Variants in XYLT1 observed in about 807,000 individuals in gnomAD.
The protein encoded by XYLT1 is xylosyltransferase 1, also known as beta-D-xylosyltransferase 1.
Under a neutral mutation model 91.3 loss-of-function variants are expected in XYLT1, and 36 were observed. The observed-to-expected ratio is 0.39, with a 90% CI of 0.30 to 0.52. XYLT1 has a LOEUF of 0.52. Among genes scored for constraint, XYLT1 ranks in the 20% least tolerant of loss-of-function variants. XYLT1 has a pLI of 0.68. For synonymous variants in XYLT1, 588 were observed against 532.0 expected, an observed-to-expected ratio of 1.11 and a Z score of -1.45; for missense variants, 1,242 against 1,284.5, an observed-to-expected ratio of 0.97 and a Z score of 0.51.
intron 2 of XYLT1, among the ~76,000 whole-genome samples, chr16:17,308,598 C>T (rs1201704182): frequency 2.0e-5 from 3 of 152,174 alleles, no homozygotes; most frequent in Non-Finnish European, 2.9e-5. Context: ...CTGGTTCGGT[C>T]CACACTTGCT....
At chr16:17,195,506 C>T (rs923706386) in intron 5 of XYLT1, among the ~76,000 whole-genome samples, 5 of 151,808 alleles carry the variant, frequency 3.3e-5, no homozygotes, top group Admixed American at 6.6e-5. Context: ...AGTACAGTGG[C>T]GCGATATCGG....
At chr16:17,142,645 G>A (rs1298239870) in intron 6 of XYLT1, among the ~76,000 whole-genome samples, 2 of 146,310 alleles carry the variant, frequency 1.4e-5, no homozygotes, top group Non-Finnish European at 3.0e-5. Context: ...GTTTCACCAT[G>A]TTGGCCAGGC....
intron 2 of XYLT1, among the ~76,000 whole-genome samples, chr16:17,325,893 A>G (rs1368009087): frequency 1.3e-5 from 2 of 152,220 alleles, no homozygotes; most frequent in Non-Finnish European, 2.9e-5. Context: ...CTGGGCAGGA[A>G]GCATCATGTC....
chr16:17,330,967 G>A (rs1272905083), intron 2 of XYLT1, among the ~76,000 whole-genome samples: 8 of 152,192 alleles, frequency 5.3e-5, no homozygotes, highest in Non-Finnish European at 8.8e-5. Context: ...AAGATGGTCC[G>A]TGCATTTGGA....
At chr16:17,129,527 A>G (rs1177050683) in intron 9 of XYLT1, among the ~76,000 whole-genome samples, 1 of 152,118 alleles carries the variant, frequency 6.6e-6, no homozygotes, top group Non-Finnish European at 1.5e-5. Flanking sequence ...CGGCCTCCCA[A>G]AGTGCTGGGA....
chr16:17,224,194 A>T (rs571820465), intron 3 of XYLT1, among the ~76,000 whole-genome samples: 4 of 152,356 alleles, frequency 2.6e-5, no homozygotes, highest in Admixed American at 2.6e-4. Context: ...TGTTGTACAG[A>T]TGTTCTGATT....
At chr16:17,388,629 G>A (rs191571536) in intron 1 of XYLT1, among the ~76,000 whole-genome samples, 4 of 152,304 alleles carry the variant, frequency 2.6e-5, no homozygotes, top group Non-Finnish European at 4.4e-5. Context: ...GGATTATTGC[G>A]AAGGGCAGAA....
intron 1 of XYLT1, among the ~76,000 whole-genome samples, chr16:17,438,177 A>T (rs906423806): frequency 6.6e-6 from 1 of 152,202 alleles, no homozygotes; most frequent in Non-Finnish European, 1.5e-5. Flanking sequence ...ATTTCCCCAC[A>T]GATGAGATCA....
rs552724633 is a variant in XYLT1, at chr16:17,201,475, C to CTT, written c.914-823_914-822dup. Reference sequence around the variant, plus strand: ...AGAACTACTACATAAGAGAGGTTATCTTTTTTTTTTTTTTTTTGAGACGGA... The same window carrying CTT: ...AGAACTACTACATAAGAGAGGTTATCTTTTTTTTTTTTTTTTTTTGAGACGGA... On this transcript the variant is annotated intron_variant, in intron 3 of 11. Transcript: ENST00000261381. Among the ~76,000 whole-genome samples the CTT allele has an allele frequency of 8.0e-4, 112 of 140,670 alleles. 1 individual carries two copies. Among genetic ancestry groups the CTT allele is most frequent in the African/African-American group, 2.5e-3 (96 of 38,594 alleles). The allele number at this position is 140,670 out of a possible 152,430, so 92.3% of individuals were successfully genotyped here. A position where few individuals can be genotyped will look rare whatever the true frequency, so the allele number is the denominator to read the frequency against.
chr16:17,467,691 A>T (rs976572054), intron 1 of XYLT1, among the ~76,000 whole-genome samples: 2 of 152,188 alleles, frequency 1.3e-5, no homozygotes, highest in Non-Finnish European at 2.9e-5. Context: ...AAACATAAAA[A>T]GGACAAATGC....
At chr16:17,422,503 A>C (rs2036262165) in intron 1 of XYLT1, among the ~76,000 whole-genome samples, 1 of 148,950 alleles carries the variant, frequency 6.7e-6, no homozygotes, top group South Asian at 2.1e-4. Flanking sequence ...CTGGCCCACA[A>C]ATTTTACTTT....
chr16:17,435,618 A>G (rs1000797597), intron 1 of XYLT1, among the ~76,000 whole-genome samples: 3 of 146,316 alleles, frequency 2.1e-5, no homozygotes, highest in African/African-American at 7.7e-5. Flanking sequence ...GATGAGAAGG[A>G]AAAAAAAAAG....
chr16:17,257,970 C>T (rs1180917097), intron 3 of XYLT1, among the ~76,000 whole-genome samples: 3 of 152,178 alleles, frequency 2.0e-5, no homozygotes, highest in Admixed American at 6.5e-5. Flanking sequence ...ATTGCACATG[C>T]GCTAGTGAAA....
At chr16:17,438,213 C>T (rs1011603250) in intron 1 of XYLT1, among the ~76,000 whole-genome samples, 2 of 152,130 alleles carry the variant, frequency 1.3e-5, no homozygotes, top group African/African-American at 4.8e-5. Flanking sequence ...AACCTAATCG[C>T]AGAGGAAAAC....
intron 1 of XYLT1, chr16:17,446,221 C>T (rs1199264626): frequency 2.0e-5 from 3 of 152,206 alleles, no homozygotes; most frequent in Non-Finnish European, 4.4e-5. Context: ...GAAATCCAGC[C>T]TCTGTGAGCT....
chr16:17,162,409 C>CAAAAAA (rs5815946), intron 5 of XYLT1, among the ~76,000 whole-genome samples: 1 of 139,028 alleles, frequency 7.2e-6, no homozygotes, highest in Non-Finnish European at 1.5e-5. Flanking sequence ...GACTCTGTCT[C>CAAAAAA]AAAAAAAAAA....
chr16:17,357,603 C>T (rs1415247730), intron 2 of XYLT1, among the ~76,000 whole-genome samples: 1 of 152,212 alleles, frequency 6.6e-6, no homozygotes, highest in Non-Finnish European at 1.5e-5. Context: ...ATATGCTGCC[C>T]TCACTGCCAA....
chr16:17,390,264 C>T (rs2035800707), intron 1 of XYLT1, among the ~76,000 whole-genome samples: 1 of 152,188 alleles, frequency 6.6e-6, no homozygotes, highest in Admixed American at 6.5e-5. Flanking sequence ...ACAGGCCTAT[C>T]CAATAAAGTT....
intron 5 of XYLT1, among the ~76,000 whole-genome samples, chr16:17,186,317 G>A (rs931312560): frequency 1.5e-4 from 23 of 152,128 alleles, no homozygotes; most frequent in African/African-American, 5.3e-4. Flanking sequence ...TGGTCAGGCT[G>A]GTCTCAAACT....
Sources: allele counts gnomAD v4.1 joint callset (sites outside exome capture counted in the v4.1 genomes callset), GRCh38; gene constraint gnomAD v4.1.1; transcripts MANE v1.5; gene names NCBI Gene and HGNC (gene_info 2026-07-23, HGNC 2026-07-21).